The following TMEM245 variants were observed in gnomAD, a reference collection of about 807,000 sequenced individuals.
TMEM245 encodes the protein protein CG-2.
A neutral mutation model predicts 101.2 loss-of-function variants in TMEM245; 69 were observed. That is an observed-to-expected ratio of 0.68 (90% confidence interval 0.56 to 0.83). The LOEUF (loss-of-function observed/expected upper bound fraction) is 0.83, where lower values mean the gene tolerates loss of function less well. Ranked by LOEUF, TMEM245 falls within the 40% of genes least tolerant of loss-of-function variation. TMEM245 has a pLI of 0.00. For missense variants in TMEM245, 1,075 were observed against 1,092.8 expected (o/e 0.98, Z 0.23); for synonymous variants, 537 against 449.8 (o/e 1.19, Z -2.45).
In TMEM245 at chr9:109,036,511, T is replaced by C. The variant is rs368771764; in HGVS notation, c.2225-131A>G. ...GTTAAATACTCACAAACTCAAATAT[T>C]AGGGAAATGATATGCCCTATCTAAC... On this transcript the variant is annotated intron_variant, in intron 15 of 17. Coordinates refer to ENST00000374586, the MANE Select transcript of TMEM245 (RefSeq NM_032012.4). The C allele has an allele frequency of 6.8e-6, 6 of 877,106 alleles. No homozygotes were observed. In the East Asian group the frequency reaches 1.7e-4, roughly 25 times the overall value. 54.3% of individuals were successfully genotyped at this position (877,106 alleles called of 1,614,324 possible).
chr9:109,060,274 A>C lies in TMEM245; in HGVS notation c.1722+80T>G, dbSNP rs1347365609. 4 of 1,008,976 alleles carry C rather than the reference A, an allele frequency of 4.0e-6. No homozygotes were observed. In the African/African-American group the frequency reaches 6.5e-5, roughly 16 times the overall value. The allele number at this position is 1,008,976 out of a possible 1,614,324, so 62.5% of individuals were successfully genotyped here. ...TTTCCATGAATGAAATCCCACTGTG[A>C]ATATAATCCTATCTAGTTGATGAGT... On this transcript the variant is annotated intron_variant, in intron 11 of 17. Transcript: ENST00000374586.
At chr9:109,050,455 A>T in intron 13 of TMEM245, 27 bp from the exon 14 acceptor site, 3 of 1,612,354 alleles carry the variant, frequency 1.9e-6, no homozygotes, top group South Asian at 2.2e-5. Context: ...AACATCTCCT[A>T]AAAAAATCGT....
intron 1 of TMEM245, among the ~76,000 whole-genome samples, chr9:109,115,989 T>C (rs1322171317): frequency 6.6e-6 from 1 of 152,202 alleles, no homozygotes; most frequent in Non-Finnish European, 1.5e-5. Context: ...TCTGAATTAG[T>C]TTTCTCACAT....
intron 10 of TMEM245, among the ~76,000 whole-genome samples, chr9:109,061,713 T>C (rs546032713): frequency 6.6e-6 from 1 of 152,000 alleles, no homozygotes; most frequent in South Asian, 2.1e-4. Context: ...GGATTACAGG[T>C]GTGCGCCCCC....
chr9:109,090,546 C>T (rs1829967966), intron 5 of TMEM245, among the ~76,000 whole-genome samples: 2 of 151,576 alleles, frequency 1.3e-5, no homozygotes, highest in African/African-American at 2.4e-5. Context: ...CATGGTGAAA[C>T]GCTGTCTCTA....
chr9:109,052,852 A>G (rs115438027), intron 12 of TMEM245, among the ~76,000 whole-genome samples: 1,603 of 152,286 alleles, frequency 0.011, 24 homozygotes, highest in African/African-American at 0.037. Context: ...CTGAGAGAAA[A>G]TATCTTGTGG....
Position 109,071,976 on chromosome 9 carries a change from C to T in TMEM245, c.1532+1380G>A, listed in dbSNP as rs138885900. On this transcript the variant is annotated intron_variant, in intron 9 of 17. Transcript: ENST00000374586. ...GAACATATAATCTCTGCCACAGCTA[C>T]TCAATTCTGTTTGTCCTTGAAGCCC... Among the ~76,000 whole-genome samples the T allele has an allele frequency of 1.6e-3, 249 of 152,312 alleles. 1 individual carries two copies. Among genetic ancestry groups the T allele is most frequent in the African/African-American group, 5.6e-3 (232 of 41,572 alleles).
intron 3 of TMEM245, among the ~76,000 whole-genome samples, chr9:109,099,882 G>A (rs991521154): frequency 3.9e-5 from 6 of 152,174 alleles, no homozygotes; most frequent in Admixed American, 6.5e-5. Flanking sequence ...TAGGATTAAT[G>A]TCATTATAAA....
rs777008047 is a variant in TMEM245 at position 109,106,534 on chromosome 9, T to C, written c.773A>G (p.Glu258Gly). ...AGAAGACTCTTTTCCATTCTGTTTT[T>C]CATAGAGGGTACCCACAGACATCAG... ...VFLMSVGTLY[E>G]KQNGKESSGA... The change falls in exon 3 of 18, where the codon GAA becomes GGA. Residue 258 changes from glutamate (E) to glycine (G), a missense_variant. Glu to Gly is a moderately conservative substitution (Grantham distance 98). Around this residue, in one of 2 missense-constraint regions of TMEM245, gnomAD observed 808 missense variants for 741.5 expected, o/e 1.09. Transcript: ENST00000374586. 18 of 1,611,420 alleles carry C rather than the reference T, an allele frequency of 1.1e-5. No homozygotes were observed. The highest frequency in any genetic ancestry group is 8.5e-7 in the Non-Finnish European group (1 of 1,178,460).
intron 14 of TMEM245, among the ~76,000 whole-genome samples, chr9:109,050,006 G>C (rs1219098454): frequency 6.6e-6 from 1 of 152,118 alleles, no homozygotes; most frequent in Non-Finnish European, 1.5e-5. Flanking sequence ...TGTCCAGGCT[G>C]ATCTCAGACT....
intron 14 of TMEM245, chr9:109,046,411 C>T: frequency 2.5e-6 from 1 of 401,756 alleles, no homozygotes; most frequent in South Asian, 1.9e-5. Context: ...ATGCATGCCA[C>T]TGACTCAAAA....
intron 3 of TMEM245, among the ~76,000 whole-genome samples, chr9:109,102,472 CACAA>C (rs1830304452): frequency 6.6e-6 from 1 of 152,040 alleles, no homozygotes; most frequent in Non-Finnish European, 1.5e-5. Flanking sequence ...ACCAGAGTAC[CACAA>C]ACAGCCTCAT....
chr9:109,116,864 G>A (rs771815232), intron 1 of TMEM245, among the ~76,000 whole-genome samples: 27 of 152,108 alleles, frequency 1.8e-4, no homozygotes, highest in Non-Finnish European at 3.8e-4. Context: ...AGGACTCCTT[G>A]TCTTCTCAAG....
At chr9:109,020,849 G>C (rs527944770) in intron 17 of TMEM245, among the ~76,000 whole-genome samples, 28 of 152,324 alleles carry the variant, frequency 1.8e-4, no homozygotes, top group African/African-American at 6.7e-4. Context: ...CCTTGTTACT[G>C]GCTGGAAGTG....
intron 17 of TMEM245, among the ~76,000 whole-genome samples, chr9:109,026,292 CA>C (rs895400651): frequency 4.2e-5 from 6 of 144,572 alleles, no homozygotes; most frequent in Admixed American, 6.8e-5. Flanking sequence ...AACTGCACTA[CA>C]AAAAAAAAAG....
chr9:109,026,546 G>A (rs1382391800), intron 17 of TMEM245, among the ~76,000 whole-genome samples: 2 of 151,550 alleles, frequency 1.3e-5, no homozygotes, highest in East Asian at 3.9e-4. Context: ...GAAAGCCAGT[G>A]CGGCTGCACC....
intron 14 of TMEM245, among the ~76,000 whole-genome samples, chr9:109,041,330 T>A (rs931420236): frequency 6.6e-6 from 1 of 151,994 alleles, no homozygotes; most frequent in Non-Finnish European, 1.5e-5. Context: ...ACGTAGATGA[T>A]CCTGGAGGAC....
At chr9:109,034,010 G>A (rs1564171244) in intron 16 of TMEM245, among the ~76,000 whole-genome samples, 1 of 152,264 alleles carries the variant, frequency 6.6e-6, no homozygotes, top group East Asian at 1.9e-4. Context: ...ATGATAAAAG[G>A]CCTCCTGAGG....
chr9:109,040,997 A>G (rs992571912), intron 14 of TMEM245, among the ~76,000 whole-genome samples: 1 of 152,218 alleles, frequency 6.6e-6, no homozygotes, highest in African/African-American at 2.4e-5. Context: ...ATTTAACTTT[A>G]TAACTAATAT....
Sources: allele counts gnomAD v4.1 joint callset (sites outside exome capture counted in the v4.1 genomes callset), GRCh38; gene constraint gnomAD v4.1.1; regional missense constraint gnomAD v4.1.1; transcripts MANE v1.5; gene names NCBI Gene and HGNC (gene_info 2026-07-23, HGNC 2026-07-21).